ZNF503: variants seen among roughly 807,000 people sequenced by gnomAD.
The protein encoded by ZNF503 is NocA-like zinc finger 2.
Under a neutral mutation model 34.4 loss-of-function variants are expected in ZNF503, and 15 were observed. The observed-to-expected ratio is 0.44, with a 90% CI of 0.29 to 0.67. ZNF503 has a LOEUF of 0.67. Among genes scored for constraint, ZNF503 ranks in the 30% least tolerant of loss-of-function variants. The probability of loss-of-function intolerance (pLI) is 0.13; values close to 1 mark genes in which losing one functional copy is unlikely to be tolerated. For missense variants in ZNF503, 1,007 were observed against 926.8 expected (o/e 1.09, Z -1.12); for synonymous variants, 580 against 456.8 (o/e 1.27, Z -3.44).
At chr10:75,320,455 C>G in the ZNF503 span, among the ~76,000 whole-genome samples, 1 of 151,448 alleles carries the variant, frequency 6.6e-6, no homozygotes. Flanking sequence ...CACTCCAGCA[C>G]GGGCAACAGA....
the ZNF503 span, among the ~76,000 whole-genome samples, chr10:75,384,740 C>A: frequency 2.6e-5 from 4 of 152,288 alleles, no homozygotes; most frequent in East Asian, 7.7e-4. Flanking sequence ...GTTTGAGGAA[C>A]CCTGACTCCC....
the ZNF503 span, among the ~76,000 whole-genome samples, chr10:75,302,298 C>G: frequency 8.2e-4 from 125 of 152,126 alleles, no homozygotes; most frequent in Middle Eastern, 3.4e-3. Context: ...AAGGGTTTTT[C>G]TTTGTCTTAG....
chr10:75,334,247 G>A, the ZNF503 span, among the ~76,000 whole-genome samples: 3 of 152,140 alleles, frequency 2.0e-5, no homozygotes, highest in Non-Finnish European at 4.4e-5. Flanking sequence ...CTGCCTCCCG[G>A]GCGGCCTAAA....
At chr10:75,391,703 C>A in the ZNF503 span, among the ~76,000 whole-genome samples, 22 of 152,252 alleles carry the variant, frequency 1.4e-4, no homozygotes, top group East Asian at 2.7e-3. Context: ...CAAGAGTTCC[C>A]GATTCATGCA....
chr10:75,298,739 G>A, the ZNF503 span, among the ~76,000 whole-genome samples: 390 of 152,124 alleles, frequency 2.6e-3, 1 homozygote, highest in African/African-American at 8.2e-3. Flanking sequence ...TGGGTCATGC[G>A]CTGACTAGGT....
chr10:75,368,853 A>C, the ZNF503 span, among the ~76,000 whole-genome samples: 1 of 152,264 alleles, frequency 6.6e-6, no homozygotes. Flanking sequence ...CTGACCTCCA[A>C]ATTATTCTCC....
At chr10:75,384,465 C>T in the ZNF503 span, among the ~76,000 whole-genome samples, 3 of 152,098 alleles carry the variant, frequency 2.0e-5, no homozygotes, top group Non-Finnish European at 4.4e-5. Context: ...TAAGTTTGTC[C>T]CTCATCACAG....
the ZNF503 span, chr10:75,382,611 G>T: frequency 4.9e-6 from 2 of 409,064 alleles, no homozygotes; most frequent in African/African-American, 2.2e-5. Context: ...TTCTCAGGTG[G>T]TTCTTGCTCC....
chr10:75,293,899 T>A, the ZNF503 span, among the ~76,000 whole-genome samples: 37 of 152,316 alleles, frequency 2.4e-4, no homozygotes, highest in South Asian at 7.5e-3. Context: ...CAAATTCTCA[T>A]GGCTGCGACT....
At chr10:75,320,660 A>G in the ZNF503 span, among the ~76,000 whole-genome samples, 136 of 152,302 alleles carry the variant, frequency 8.9e-4, 1 homozygote, top group African/African-American at 3.1e-3. Context: ...TCTAAAAAAA[A>G]TTAAAGAAAA....
the ZNF503 span, among the ~76,000 whole-genome samples, chr10:75,316,638 G>A: frequency 2.0e-5 from 3 of 152,146 alleles, no homozygotes; most frequent in African/African-American, 7.2e-5. Context: ...TAGGATTACA[G>A]GCATGTGCTA....
At chr10:75,368,872 T>C in the ZNF503 span, among the ~76,000 whole-genome samples, 2 of 152,228 alleles carry the variant, frequency 1.3e-5, no homozygotes, top group African/African-American at 4.8e-5. Flanking sequence ...CCATACAAAG[T>C]GATTCTTTCA....
downstream of ZNF503, among the ~76,000 whole-genome samples, chr10:75,394,669 C>T (rs920914360): frequency 7.9e-5 from 12 of 152,204 alleles, no homozygotes; most frequent in African/African-American, 2.9e-4. Flanking sequence ...TGTCTGCTGT[C>T]GGAGCATAAG....
At chr10:75,346,774 G>A in the ZNF503 span, among the ~76,000 whole-genome samples, 3,560 of 151,624 alleles carry the variant, frequency 0.023, 128 homozygotes, top group African/African-American at 0.081. Context: ...GAGCCTACAG[G>A]CGTGCACCAC....
the ZNF503 span, among the ~76,000 whole-genome samples, chr10:75,316,500 G>T: frequency 6.6e-6 from 1 of 152,056 alleles, no homozygotes; most frequent in Non-Finnish European, 1.5e-5. Flanking sequence ...AAGACTACAG[G>T]CACATGCCAC....
chr10:75,320,953 G>A, the ZNF503 span, among the ~76,000 whole-genome samples: 1 of 152,160 alleles, frequency 6.6e-6, no homozygotes, highest in African/African-American at 2.4e-5. Context: ...ACATGGTTTG[G>A]ATCCCAAATG....
chr10:75,375,406 G>C, the ZNF503 span, among the ~76,000 whole-genome samples: 1 of 152,204 alleles, frequency 6.6e-6, no homozygotes, highest in Admixed American at 6.5e-5. Context: ...ACAGGCATGA[G>C]CTACCGTACC....
chr10:75,295,102 C>T, the ZNF503 span, among the ~76,000 whole-genome samples: 1 of 150,324 alleles, frequency 6.7e-6, no homozygotes, highest in Non-Finnish European at 1.5e-5. The surrounding 1 kb of genome is among the most constrained non-coding windows in gnomAD (Gnocchi z 4.0). Flanking sequence ...GACAGGGCTG[C>T]GGCGGCCGGG....
chr10:75,311,564 G>A, the ZNF503 span, among the ~76,000 whole-genome samples: 1 of 151,478 alleles, frequency 6.6e-6, no homozygotes, highest in African/African-American at 2.4e-5. Flanking sequence ...GCTGGGCACA[G>A]TGTAATCCCA....
Sources: gnomAD v4.1 joint callset for allele counts (sites outside exome capture counted in the v4.1 genomes callset) on GRCh38, gnomAD v4.1.1 for gene constraint, Gnocchi (gnomAD v3.1) non-coding constraint, MANE v1.5 for transcripts, NCBI Gene and HGNC (gene_info 2026-07-23, HGNC 2026-07-21) for gene names.